The following SGSM1 variants were observed in gnomAD, a reference collection of about 807,000 sequenced individuals.
The protein encoded by SGSM1 is RUN and TBC1 domain containing 2.
Under a neutral mutation model 133.8 loss-of-function variants are expected in SGSM1, and 73 were observed. That is an observed-to-expected ratio of 0.55 (90% CI 0.45 to 0.66). The LOEUF (loss-of-function observed/expected upper bound fraction) is 0.66. SGSM1 is among the 30% of genes least tolerant of loss of function. The pLI, the probability that SGSM1 is intolerant of heterozygous loss-of-function variation, is 0.00. For missense variants in SGSM1, 1,213 were observed against 1,448.1 expected (o/e 0.84, Z 2.64); for synonymous variants, 563 against 573.0 (o/e 0.98, Z 0.25).
Position 24,919,930 on chromosome 22 carries a change from G to A in SGSM1, c.3130G>A (p.Val1044Ile). The A allele has an allele frequency of 6.2e-7, 1 of 1,613,920 alleles. No homozygotes were observed. Among genetic ancestry groups the A allele is most frequent in the Non-Finnish European group, 8.5e-7 (1 of 1,179,852 alleles). The change falls in exon 24 of 25, where the codon GTC (valine) becomes ATC (isoleucine). Residue 1044 changes from valine to isoleucine, a missense_variant. By Grantham distance (29) the Val-to-Ile change is conservative. Transcript: ENST00000400358. ...GTTCATTGCGCTGGCTCTGGTGGAAGTCTACCGTGACATCATTTTGGAGAA... is the reference window on the plus strand; with the variant it reads ...GTTCATTGCGCTGGCTCTGGTGGAAATCTACCGTGACATCATTTTGGAGAA... Reference protein sequence around the residue: ...VLFIALALVEVYRDIILENNM... With the variant: ...VLFIALALVEIYRDIILENNM...
chr22:24,826,557 C>G (rs983485422), intron 2 of SGSM1, among the ~76,000 whole-genome samples: 3 of 152,202 alleles, frequency 2.0e-5, no homozygotes, highest in Non-Finnish European at 4.4e-5. Context: ...TGGCCAGGCA[C>G]TGTCCTGGGG....
intron 17 of SGSM1, among the ~76,000 whole-genome samples, chr22:24,894,551 G>A (rs1932872366): frequency 6.6e-6 from 1 of 152,160 alleles, no homozygotes; most frequent in South Asian, 2.1e-4. Flanking sequence ...TCTTAACTGG[G>A]CTAGGCGAGG....
At chr22:24,860,797 G>A (rs1422114931) in intron 9 of SGSM1, among the ~76,000 whole-genome samples, 1 of 150,386 alleles carries the variant, frequency 6.6e-6, no homozygotes, top group Non-Finnish European at 1.5e-5. Context: ...CTACTCGGGA[G>A]GGTGAGGCAG....
In SGSM1 at chr22:24,876,623, G is replaced by C; in HGVS notation, c.1338G>C (p.Leu446=). 6.2e-7 allele frequency: 1 copy of C among 1,614,012 alleles called. No individual in the cohort carries two copies. The highest frequency in any genetic ancestry group is 1.1e-5 in the South Asian group (1 of 91,082). The change falls in exon 13 of 25, where the codon CTG becomes CTC. Residue 446 remains leucine (L), a synonymous_variant. Coordinates refer to ENST00000400358, the MANE Select transcript of SGSM1 (RefSeq NM_001098497.3). ...MDVSVSNLPS[L]WQPSPRKSSC... is the part of the protein sequence containing the mutation. Reference sequence around the variant, plus strand: ...TCTCTGTAAGCAACCTCCCATCCCTGTGGCAGCCCAGTCCCCGGAAGTCCT... The same window carrying C: ...TCTCTGTAAGCAACCTCCCATCCCTCTGGCAGCCCAGTCCCCGGAAGTCCT...
At chr22:24,891,760 G>A (rs79058609) in intron 16 of SGSM1, among the ~76,000 whole-genome samples, 7,174 of 152,256 alleles carry the variant, frequency 0.047, 259 homozygotes, top group Middle Eastern at 0.068. Context: ...CACCTAAGAC[G>A]GGCAGGGGTG....
intron 13 of SGSM1, among the ~76,000 whole-genome samples, chr22:24,878,607 A>G (rs981753077): frequency 2.0e-5 from 3 of 152,186 alleles, no homozygotes; most frequent in Admixed American, 6.5e-5. Context: ...ATATTCTTCC[A>G]TTCTATCCTC....
At chr22:24,904,645 G>A (rs1933307567) in intron 20 of SGSM1, among the ~76,000 whole-genome samples, 1 of 152,000 alleles carries the variant, frequency 6.6e-6, no homozygotes, top group African/African-American at 2.4e-5. Context: ...AATATAAGCT[G>A]TTATTAGTAA....
chr22:24,814,749 T>G (rs1241407747), intron 2 of SGSM1, among the ~76,000 whole-genome samples: 4 of 152,162 alleles, frequency 2.6e-5, no homozygotes, highest in Non-Finnish European at 5.9e-5. Context: ...GATCTTGCTG[T>G]CTCTAGGTAA....
At position 24,905,105 on chromosome 22, in the gene SGSM1, C is replaced by G; in HGVS notation, c.2736C>G (p.Ser912Arg). Residue 912 changes from serine (S) to arginine (R), a missense_variant and splice_region_variant, in exon 21 of 25, where the codon AGC becomes AGG. Physicochemically the swap from Ser to Arg is moderately radical, Grantham distance 110. Coordinates refer to ENST00000400358, the MANE Select transcript of SGSM1 (RefSeq NM_001098497.3). Reference protein sequence around the residue: ...NLEKLRNIMCSYIWQHIEIGY... With the variant: ...NLEKLRNIMCRYIWQHIEIGY... ...CATTGGCCCCTTGTGTCTCTTCTAG[C>G]TACATCTGGCAGCACATTGAGATCG... 6.2e-7 allele frequency: 1 copy of G among 1,613,942 alleles called. No homozygotes were observed. The highest frequency in any genetic ancestry group is 8.5e-7 in the Non-Finnish European group (1 of 1,179,850).
At chr22:24,907,014 A>C (rs573594976) in intron 21 of SGSM1, among the ~76,000 whole-genome samples, 1 of 149,160 alleles carries the variant, frequency 6.7e-6, no homozygotes, top group African/African-American at 2.5e-5. Context: ...TAATCCCATC[A>C]CTTTGGGAGC....
At chr22:24,880,887 C>T (rs1479500991) in intron 14 of SGSM1, among the ~76,000 whole-genome samples, 4 of 152,154 alleles carry the variant, frequency 2.6e-5, no homozygotes, top group Admixed American at 1.3e-4. Context: ...TCAGTTTACC[C>T]CATCTATAAG....
intron 2 of SGSM1, among the ~76,000 whole-genome samples, chr22:24,834,874 G>A (rs75759891): frequency 0.015 from 2,233 of 151,828 alleles, 34 homozygotes; most frequent in Middle Eastern, 0.041. Context: ...TGGTTATGCT[G>A]ATTTAGAGGA....
chr22:24,895,117 G>A, intron 17 of SGSM1, 106 bp from the exon 18 acceptor site: 1 of 1,087,996 alleles, frequency 9.2e-7, no homozygotes, highest in Non-Finnish European at 1.4e-6. Flanking sequence ...TGCAAGTTAG[G>A]AATAGAGATG....
chr22:24,844,322 G>C (rs1402108816), intron 2 of SGSM1: 1 of 152,316 alleles, frequency 6.6e-6, no homozygotes, highest in African/African-American at 2.4e-5. Flanking sequence ...GATCACTTGA[G>C]GTCAGGAGTT....
intron 24 of SGSM1, 27 bp from the exon 25 acceptor site, chr22:24,924,159 A>C: frequency 3.1e-6 from 5 of 1,610,400 alleles, no homozygotes; most frequent in Non-Finnish European, 4.2e-6. Context: ...AAGGAGGCTC[A>C]TGAGATTTTT....
chr22:24,907,904 G>A (rs1555937479), intron 21 of SGSM1, among the ~76,000 whole-genome samples: 2 of 68,038 alleles, frequency 2.9e-5, no homozygotes, highest in African/African-American at 8.1e-5. Context: ...AGAGCAAGAC[G>A]CCATCTCAAA....
At chr22:24,905,298 T>C (rs1351357593) in intron 21 of SGSM1, 111 bp downstream of exon 21, 1 of 1,023,198 alleles carries the variant, frequency 9.8e-7, no homozygotes, top group Non-Finnish European at 1.5e-6. Context: ...AGCCAGGTGC[T>C]CTGAAGGCCT....
rs140992152 is a variant in SGSM1 at position 24,815,322 on chromosome 22, G to A, written c.63+8838G>A. ...CCAATCACTGAGATAAGTATTGCCC[G>A]GGAAGAAGTCTTTAGTTGAGTCCCG... is the stretch of plus-strand genomic sequence containing the variant. On this transcript the variant is annotated intron_variant, in intron 2 of 24. Transcript: ENST00000400358. Among the ~76,000 whole-genome samples, 185 of 152,254 alleles carry A rather than the reference G, an allele frequency of 1.2e-3. 3 individuals are homozygous for A. The East Asian group carries it at 0.033, about 27-fold the overall frequency.
rs778723735 is a variant in SGSM1 at position 24,898,335 on chromosome 22, A to G, written c.2386A>G (p.Met796Val). 2.5e-6 allele frequency: 4 copies of G among 1,613,946 alleles called. No homozygotes were observed. Among genetic ancestry groups the G allele is most frequent in the East Asian group, 2.2e-5 (1 of 44,878 alleles). ...LLANESMDEF[M>V]SITGSLDMAL... ...GGCCAACGAGAGCATGGACGAGTTCATGTCCATCACGGGCAGCCTGGACAT... is the reference window on the plus strand; with the variant it reads ...GGCCAACGAGAGCATGGACGAGTTCGTGTCCATCACGGGCAGCCTGGACAT... Residue 796 changes from methionine to valine, a missense_variant, in exon 19 of 25, where the codon ATG (methionine) becomes GTG (valine). Physicochemically the swap from Met to Val is conservative, Grantham distance 21. Transcript: ENST00000400358.
Sources: gnomAD v4.1 joint callset for allele counts (sites outside exome capture counted in the v4.1 genomes callset) on GRCh38, gnomAD v4.1.1 for gene constraint, MANE v1.5 for transcripts, NCBI Gene and HGNC (gene_info 2026-07-23, HGNC 2026-07-21) for gene names.